Variants in MMP26 observed in about 807,000 individuals in gnomAD.
MMP26 encodes the protein matrix metallopeptidase 26.
MMP26 carries 33 observed loss-of-function variants against 31.0 expected under a neutral mutation model. The observed-to-expected ratio is 1.06, with a 90% CI of 0.81 to 1.42. The LOEUF (loss-of-function observed/expected upper bound fraction) is 1.42. Among genes scored for constraint, MMP26 ranks in the 40% most tolerant of loss-of-function variants. The pLI, the probability that MMP26 is intolerant of heterozygous loss-of-function variation, is 0.00. For synonymous variants in MMP26, 122 were observed against 114.9 expected (o/e 1.06, Z -0.40); for missense variants, 347 against 316.1 (o/e 1.10, Z -0.74).
Position 4,988,109 on chromosome 11 carries a change from A to G in MMP26, c.-103A>G. ...CACTCACAGATTCAAAGAAAGGGCA[A>G]ACTGGCAGAGTGAGTCATTGGATGT... On this transcript the variant is annotated 5_prime_UTR_variant, in exon 3 of 8. Transcript: ENST00000380390. 9.7e-7 allele frequency: 1 copy of G among 1,032,736 alleles called. No individual in the cohort carries two copies. The highest frequency in any genetic ancestry group is 1.6e-5 in the African/African-American group (1 of 63,920). The allele number at this position is 1,032,736 out of a possible 1,614,324, so 64.0% of individuals were successfully genotyped here.
Position 4,965,147 on chromosome 11 carries a change from T to A in MMP26, c.-144-22921T>A, listed in dbSNP as rs1846574533. On this transcript the variant is annotated intron_variant, in intron 2 of 7. Transcript: ENST00000380390. ...ACATTGGAGAATGTTTAATCAGATA[T>A]GACCAGCCACTTTTAAGGAACTATA... Among the ~76,000 whole-genome samples the A allele has an allele frequency of 2.6e-5, 4 of 152,308 alleles. No homozygotes were observed. In the South Asian group the frequency reaches 8.3e-4, roughly 32 times the overall value.
At chr11:4,799,084 T>C (rs1849147160) in intron 2 of MMP26, among the ~76,000 whole-genome samples, 1 of 152,192 alleles carries the variant, frequency 6.6e-6, no homozygotes, top group African/African-American at 2.4e-5. Context: ...CGCCTACAAA[T>C]GGAAAATGGA....
chr11:4,951,438 A>G lies in MMP26; in HGVS notation c.-144-36630A>G, dbSNP rs1271607015. Among the ~76,000 whole-genome samples the G allele has an allele frequency of 1.6e-5, 2 of 124,852 alleles. 1 individual carries two copies. Among genetic ancestry groups the G allele is most frequent in the Non-Finnish European group, 3.6e-5 (2 of 54,970 alleles). The allele number at this position is 124,852 out of a possible 152,430, so 81.9% of individuals were successfully genotyped here. A position where few individuals can be genotyped will look rare whatever the true frequency, so the allele number is the denominator to read the frequency against. ...GTGAACTCTCTCCAGGCTGTTACAT[A>G]AACTGATTTCTTAGATTATCATTTA... On this transcript the variant is annotated intron_variant, in intron 2 of 7. Coordinates refer to ENST00000380390, the MANE Select transcript of MMP26 (RefSeq NM_021801.5).
chr11:4,732,105 C>G (rs919950865), intron 1 of MMP26, among the ~76,000 whole-genome samples: 1 of 152,180 alleles, frequency 6.6e-6, no homozygotes, highest in Non-Finnish European at 1.5e-5. Flanking sequence ...AATGACTGGT[C>G]ATTACAATGG....
chr11:4,847,317 A>T (rs1438020890), intron 2 of MMP26, among the ~76,000 whole-genome samples: 2 of 152,244 alleles, frequency 1.3e-5, no homozygotes, highest in Non-Finnish European at 2.9e-5. Flanking sequence ...ATTGAGACCG[A>T]TAATTCCAAA....
At chr11:4,773,222 T>C (rs1209230531) in intron 2 of MMP26, among the ~76,000 whole-genome samples, 1 of 152,190 alleles carries the variant, frequency 6.6e-6, no homozygotes, top group Non-Finnish European at 1.5e-5. Context: ...GGGTAGGACC[T>C]CTGACTAACT....
chr11:4,824,398 C>T (rs1174270371), intron 2 of MMP26, among the ~76,000 whole-genome samples: 1 of 152,090 alleles, frequency 6.6e-6, no homozygotes. Context: ...AAAAATTATA[C>T]ACACTTATAC....
intron 2 of MMP26, among the ~76,000 whole-genome samples, chr11:4,855,640 A>C (rs1325091263): frequency 1.3e-5 from 2 of 152,228 alleles, no homozygotes; most frequent in African/African-American, 4.8e-5. Flanking sequence ...GAAGTTAGAA[A>C]ACACTCTTCA....
At chr11:4,960,283 A>G (rs1297120671) in intron 2 of MMP26, among the ~76,000 whole-genome samples, 1 of 151,980 alleles carries the variant, frequency 6.6e-6, no homozygotes, top group Non-Finnish European at 1.5e-5. Flanking sequence ...CTTAACCACT[A>G]GTATCAATGG....
intron 1 of MMP26, among the ~76,000 whole-genome samples, chr11:4,717,602 A>G (rs1289459406): frequency 1.3e-5 from 2 of 152,146 alleles, no homozygotes; most frequent in African/African-American, 4.8e-5. Context: ...AGATTTTGGA[A>G]AACAATGTGT....
chr11:4,982,319 T>C (rs1160840181), intron 2 of MMP26, among the ~76,000 whole-genome samples: 1 of 152,152 alleles, frequency 6.6e-6, no homozygotes, highest in African/African-American at 2.4e-5. Context: ...CAATGTGTTA[T>C]GACGTTACGA....
At chr11:4,875,110 C>A (rs1410468009) in intron 2 of MMP26, 2 of 152,046 alleles carry the variant, frequency 1.3e-5, no homozygotes, top group Non-Finnish European at 2.9e-5. Flanking sequence ...CTGGCTGAGC[C>A]ATATATTAGT....
intron 2 of MMP26, among the ~76,000 whole-genome samples, chr11:4,986,255 T>C (rs879464993): frequency 1.6e-4 from 24 of 152,182 alleles, no homozygotes; most frequent in Non-Finnish European, 3.5e-4. Context: ...ACCAAAGGTT[T>C]AAAACACAGA....
chr11:4,914,886 T>C (rs755048253), intron 2 of MMP26: 5 of 1,613,834 alleles, frequency 3.1e-6, no homozygotes, highest in African/African-American at 2.7e-5. Flanking sequence ...AGGCCAATCA[T>C]GGGAGTGTAG....
chr11:4,971,516 G>T (rs1463542769), intron 2 of MMP26, among the ~76,000 whole-genome samples: 1 of 152,184 alleles, frequency 6.6e-6, no homozygotes, highest in Non-Finnish European at 1.5e-5. Flanking sequence ...GTTGTAGGGA[G>T]AGGGATTGGG....
At chr11:4,803,758 G>T in intron 2 of MMP26, 2 of 1,613,670 alleles carry the variant, frequency 1.2e-6, no homozygotes, top group Non-Finnish European at 1.7e-6. Flanking sequence ...GCCAGCCACA[G>T]AGAAGGCCAC....
At chr11:4,906,688 G>A (rs1850894729) in intron 2 of MMP26, among the ~76,000 whole-genome samples, 1 of 152,106 alleles carries the variant, frequency 6.6e-6, no homozygotes, top group Non-Finnish European at 1.5e-5. Flanking sequence ...AAGCCAACGT[G>A]GGTACTGCTG....
intron 2 of MMP26, chr11:4,769,951 T>G (rs10836610): frequency 0.12 from 129,498 of 1,095,568 alleles, 9,191 homozygotes; most frequent in African/African-American, 0.25. Context: ...GTCCTCACAA[T>G]GCTTCCATCC....
intron 2 of MMP26, among the ~76,000 whole-genome samples, chr11:4,819,982 A>G (rs79869570): frequency 0.018 from 2,797 of 152,238 alleles, 78 homozygotes; most frequent in African/African-American, 0.064. Context: ...ATCGATATTA[A>G]GACTACTTTC....
Sources: allele counts gnomAD v4.1 joint callset (sites outside exome capture counted in the v4.1 genomes callset), GRCh38; gene constraint gnomAD v4.1.1; transcripts MANE v1.5; gene names NCBI Gene and HGNC (gene_info 2026-07-23, HGNC 2026-07-21).